The following CNTLN variants were observed in gnomAD, a reference collection of about 807,000 sequenced individuals.
CNTLN encodes the protein centlein, centrosomal protein.
Under a neutral mutation model 180.0 loss-of-function variants are expected in CNTLN, and 212 were observed. The ratio of observed to expected loss-of-function variants is 1.18; its 90% CI spans 1.05 to 1.32. The LOEUF (loss-of-function observed/expected upper bound fraction) is 1.32, where lower values mean the gene tolerates loss of function less well. Ranked by LOEUF, CNTLN falls within the 40% of genes most tolerant of loss-of-function variation. CNTLN has a pLI of 0.00. For synonymous variants in CNTLN, 722 were observed against 563.1 expected (o/e 1.28, Z -3.99); for missense variants, 2,095 against 1,610.9 (o/e 1.30, Z -5.14).
At chr9:17,512,930 C>T in the CNTLN span, among the ~76,000 whole-genome samples, 2 of 152,132 alleles carry the variant, frequency 1.3e-5, no homozygotes, top group African/African-American at 2.4e-5. Flanking sequence ...CATTGTCCTG[C>T]CTCAGCGTCC....
intron 10 of CNTLN, among the ~76,000 whole-genome samples, 183 bp from the exon 11 acceptor site, chr9:17,340,644 C>A (rs1215280638): frequency 6.6e-6 from 1 of 152,096 alleles, no homozygotes; most frequent in Non-Finnish European, 1.5e-5. Context: ...TTGAATTTAT[C>A]AAGCAAATGT....
intron 2 of CNTLN, among the ~76,000 whole-genome samples, chr9:17,198,648 T>C (rs2131859284): frequency 6.6e-6 from 1 of 151,940 alleles, no homozygotes; most frequent in East Asian, 1.9e-4. Flanking sequence ...TATGCAGGTT[T>C]GTTACATAGG....
intron 5 of CNTLN, among the ~76,000 whole-genome samples, chr9:17,262,121 ATGG>A (rs1827034792): frequency 6.6e-6 from 1 of 151,588 alleles, no homozygotes; most frequent in African/African-American, 2.4e-5. Flanking sequence ...TTTTACACTG[ATGG>A]TGGGAGTGCA....
intron 23 of CNTLN, among the ~76,000 whole-genome samples, chr9:17,481,853 C>T (rs76627746): frequency 0.026 from 3,957 of 152,318 alleles, 171 homozygotes; most frequent in African/African-American, 0.09. Context: ...GCAGCCCTGC[C>T]CAGCTAGAGA....
chr9:17,136,224 G>A (rs1162515270), intron 1 of CNTLN, among the ~76,000 whole-genome samples: 2 of 152,178 alleles, frequency 1.3e-5, no homozygotes, highest in Non-Finnish European at 2.9e-5. Context: ...TTGGGAGATT[G>A]GATGTGGGAA....
chr9:17,434,448 T>C (rs189022366), intron 18 of CNTLN, among the ~76,000 whole-genome samples: 18 of 152,252 alleles, frequency 1.2e-4, no homozygotes, highest in African/African-American at 4.3e-4. Flanking sequence ...TTCTTGCTTT[T>C]TAAATTTTCT....
chr9:17,377,948 G>A (rs1005790305), intron 13 of CNTLN, among the ~76,000 whole-genome samples: 1 of 152,044 alleles, frequency 6.6e-6, no homozygotes, highest in Non-Finnish European at 1.5e-5. Flanking sequence ...TGCATTTATT[G>A]TCAATTAAAA....
At chr9:17,519,600 G>C in the CNTLN span, among the ~76,000 whole-genome samples, 1 of 152,062 alleles carries the variant, frequency 6.6e-6, no homozygotes, top group East Asian at 1.9e-4. Flanking sequence ...CAGGACTGAG[G>C]GCTCAAAGCT....
intron 5 of CNTLN, among the ~76,000 whole-genome samples, chr9:17,262,950 T>G (rs1009767564): frequency 2.0e-5 from 3 of 151,320 alleles, no homozygotes; most frequent in African/African-American, 4.9e-5. Context: ...AGCTTCTCTG[T>G]GTCTATTGAG....
intron 23 of CNTLN, among the ~76,000 whole-genome samples, chr9:17,480,080 C>T (rs1199769765): frequency 6.6e-6 from 1 of 152,016 alleles, no homozygotes; most frequent in Non-Finnish European, 1.5e-5. Context: ...AATCCCAACA[C>T]TTTTCAAGGC....
At chr9:17,254,393 G>T (rs1563923863) in intron 5 of CNTLN, among the ~76,000 whole-genome samples, 1 of 149,728 alleles carries the variant, frequency 6.7e-6, no homozygotes, top group Non-Finnish European at 1.5e-5. Context: ...AAATCATGAT[G>T]TGTTTCTGCT....
downstream of CNTLN, among the ~76,000 whole-genome samples, chr9:17,506,256 A>G (rs906756887): frequency 6.6e-6 from 1 of 152,146 alleles, no homozygotes; most frequent in Non-Finnish European, 1.5e-5. Flanking sequence ...GATGCAAAAA[A>G]GAAAAATTGA....
chr9:17,464,027 T>G (rs1831602707), intron 20 of CNTLN, among the ~76,000 whole-genome samples: 2 of 151,494 alleles, frequency 1.3e-5, no homozygotes, highest in Admixed American at 1.3e-4. Flanking sequence ...AACAGCTGTG[T>G]GGATTGAATC....
At chr9:17,465,366 A>G (rs915420276) in intron 21 of CNTLN, among the ~76,000 whole-genome samples, 26 of 150,520 alleles carry the variant, frequency 1.7e-4, no homozygotes, top group African/African-American at 6.1e-4. Context: ...ATCACTTCCT[A>G]TAGGCTTTTT....
At chr9:17,299,778 T>C in intron 7 of CNTLN, 1 of 983,944 alleles carries the variant, frequency 1.0e-6, no homozygotes, top group South Asian at 4.7e-5. Context: ...TACTAATTAA[T>C]TGTTTTCTCT....
chr9:17,334,436 C>T (rs570241263), intron 10 of CNTLN, among the ~76,000 whole-genome samples: 1 of 151,998 alleles, frequency 6.6e-6, no homozygotes, highest in Non-Finnish European at 1.5e-5. Flanking sequence ...CACACACACA[C>T]ACACACACAC....
intron 3 of CNTLN, among the ~76,000 whole-genome samples, chr9:17,235,099 C>G (rs1179251349): frequency 6.6e-6 from 1 of 152,072 alleles, no homozygotes; most frequent in Non-Finnish European, 1.5e-5. Flanking sequence ...GGTACATCCA[C>G]CTCGTAGGTG....
chr9:17,424,723 C>T (rs1248494503), intron 18 of CNTLN, among the ~76,000 whole-genome samples: 1 of 152,166 alleles, frequency 6.6e-6, no homozygotes, highest in African/African-American at 2.4e-5. Flanking sequence ...ATAAGGTCAT[C>T]AGCAGGGTCC....
At chr9:17,295,440 C>A (rs1817816452) in intron 6 of CNTLN, among the ~76,000 whole-genome samples, 1 of 152,170 alleles carries the variant, frequency 6.6e-6, no homozygotes, top group South Asian at 2.1e-4. Context: ...TAGGAGCTCG[C>A]ATTACTCTGT....
Sources: allele counts gnomAD v4.1 joint callset (sites outside exome capture counted in the v4.1 genomes callset), GRCh38; gene constraint gnomAD v4.1.1; transcripts MANE v1.5; gene names NCBI Gene and HGNC (gene_info 2026-07-23, HGNC 2026-07-21).